DDR2: variants seen among roughly 807,000 people sequenced by gnomAD.
The protein encoded by DDR2 is discoidin domain receptor tyrosine kinase 2.
Under a neutral mutation model 94.9 loss-of-function variants are expected in DDR2, and 27 were observed. That is an observed-to-expected ratio of 0.28 (90% confidence interval 0.21 to 0.39). The LOEUF (loss-of-function observed/expected upper bound fraction) is 0.39. Among genes scored for constraint, DDR2 ranks in the 10% least tolerant of loss-of-function variants. The probability of loss-of-function intolerance (pLI) is 1.00; values close to 1 mark genes in which losing one functional copy is unlikely to be tolerated. For synonymous variants in DDR2, 382 were observed against 377.2 expected (o/e 1.01, Z -0.15); for missense variants, 783 against 1,076.0 (o/e 0.73, Z 3.81).
At chr1:162,674,924 C>T (rs61811289) in intron 2 of DDR2, among the ~76,000 whole-genome samples, 9,580 of 152,020 alleles carry the variant, frequency 0.063, 361 homozygotes, top group Admixed American at 0.083. Context: ...GGGGCTGAGG[C>T]GGGTGGATCA....
chr1:162,713,105 G>A (rs1162431302), intron 2 of DDR2, among the ~76,000 whole-genome samples: 1 of 152,162 alleles, frequency 6.6e-6, no homozygotes, highest in Non-Finnish European at 1.5e-5. Context: ...GCTCAATGAT[G>A]TAATGCATCT....
intron 2 of DDR2, among the ~76,000 whole-genome samples, chr1:162,677,050 C>T (rs1659163855): frequency 6.6e-6 from 1 of 152,090 alleles, no homozygotes; most frequent in Admixed American, 6.5e-5. Context: ...GAGGGTGAAC[C>T]AAAAACAATA....
intron 2 of DDR2, among the ~76,000 whole-genome samples, chr1:162,670,006 T>C (rs1658755418): frequency 6.6e-6 from 1 of 151,770 alleles, no homozygotes. Flanking sequence ...TAATAACACG[T>C]TTTTAAAATT....
At chr1:162,713,450 T>G (rs553440999) in intron 2 of DDR2, among the ~76,000 whole-genome samples, 3 of 152,326 alleles carry the variant, frequency 2.0e-5, no homozygotes, top group Non-Finnish European at 4.4e-5. Flanking sequence ...TGATCACCAT[T>G]CACAATCTCC....
chr1:162,754,898 ATT>A (rs1434216907), intron 5 of DDR2, 43 bp downstream of exon 5: 3 of 1,609,142 alleles, frequency 1.9e-6, no homozygotes, highest in Non-Finnish European at 2.6e-6. Context: ...CCAAGACCAT[ATT>A]TTGACTTAGG....
At chr1:162,733,381 C>T (rs933546287) in intron 3 of DDR2, among the ~76,000 whole-genome samples, 5 of 152,166 alleles carry the variant, frequency 3.3e-5, no homozygotes, top group African/African-American at 7.2e-5. Context: ...AGAAGTGCCA[C>T]GTTGGTTGCC....
intron 9 of DDR2, 140 bp from the exon 10 acceptor site, chr1:162,765,861 T>C (rs1020178741): frequency 1.5e-5 from 12 of 783,232 alleles, no homozygotes; most frequent in Non-Finnish European, 2.6e-5. Context: ...ATTCAACGTA[T>C]TTATGATTTT....
chr1:162,663,099 C>T (rs565211787), intron 2 of DDR2, among the ~76,000 whole-genome samples: 2 of 152,162 alleles, frequency 1.3e-5, no homozygotes, highest in Non-Finnish European at 1.5e-5. Context: ...TTTCAATGGG[C>T]ATTGCAAGGC....
chr1:162,749,152 G>A (rs1370976911), intron 3 of DDR2, among the ~76,000 whole-genome samples: 2 of 152,026 alleles, frequency 1.3e-5, no homozygotes, highest in African/African-American at 4.8e-5. Flanking sequence ...AAATAACTAA[G>A]ATCAGAGCAG....
chr1:162,663,228 G>C (rs967920879), intron 2 of DDR2, among the ~76,000 whole-genome samples: 1 of 152,118 alleles, frequency 6.6e-6, no homozygotes, highest in Non-Finnish European at 1.5e-5. Flanking sequence ...AGAGTGAGTT[G>C]AATTTGAAAA....
At chr1:162,725,510 C>T (rs908897683) in intron 3 of DDR2, among the ~76,000 whole-genome samples, 2 of 152,208 alleles carry the variant, frequency 1.3e-5, no homozygotes, top group Non-Finnish European at 2.9e-5. Flanking sequence ...CCCCAAGTAG[C>T]TGGGACTACA....
intron 2 of DDR2, among the ~76,000 whole-genome samples, chr1:162,704,492 T>C (rs186882002): frequency 1.1e-4 from 16 of 152,284 alleles, no homozygotes; most frequent in Admixed American, 6.5e-4. Flanking sequence ...AAAAAGATAG[T>C]CCAGTTACCT....
At chr1:162,642,241 G>T (rs1657171894) in intron 1 of DDR2, among the ~76,000 whole-genome samples, 1 of 152,068 alleles carries the variant, frequency 6.6e-6, no homozygotes, top group African/African-American at 2.4e-5. Context: ...ACAGGCGTAA[G>T]CCACCATGCC....
chr1:162,780,048 C>G (rs908296945), intron 17 of DDR2, 64 bp from the exon 18 acceptor site: 1 of 1,607,440 alleles, frequency 6.2e-7, no homozygotes, highest in South Asian at 1.1e-5. Context: ...ACTTCCCTTT[C>G]CCCCGTCTTT....
rs1164976647 is a variant in DDR2 at position 162,642,107 on chromosome 1, A to AC, written c.-192+9477dup. ...GAAGTAGCTGGGATTACAGGCACCC[A>AC]CACCACGCCCAGCTAATTTTTGTAT... On this transcript the variant is annotated intron_variant, in intron 1 of 17. Transcript: ENST00000367921. Among the ~76,000 whole-genome samples the AC allele has an allele frequency of 1.2e-3, 185 of 150,522 alleles. 3 individuals are homozygous for AC. The highest frequency in any genetic ancestry group is 4.2e-3 in the African/African-American group (172 of 40,906).
intron 10 of DDR2, 79 bp from the exon 11 acceptor site, chr1:162,767,150 A>G (rs1664036823): frequency 2.5e-6 from 4 of 1,598,766 alleles, no homozygotes; most frequent in Non-Finnish European, 3.4e-6. Context: ...GTCTACCTCC[A>G]TGTTTCCAGT....
intron 3 of DDR2, among the ~76,000 whole-genome samples, chr1:162,747,634 C>G (rs1010317002): frequency 2.0e-5 from 3 of 152,124 alleles, no homozygotes; most frequent in Non-Finnish European, 4.4e-5. Flanking sequence ...CATTCAAATT[C>G]AAGAAATACA....
rs118117030 is a variant in DDR2 at position 162,651,655 on chromosome 1, C to T, written c.-191-3556C>T. ...TATAGTACATATTACATACTAGGAA[C>T]TCAGAAACGTGGTTGAACAAATTAC... On this transcript the variant is annotated intron_variant, in intron 1 of 17. Transcript: ENST00000367921. 1.9e-3 allele frequency among the ~76,000 whole-genome samples: 283 copies of T among 152,230 alleles called. 4 individuals are homozygous for T. In the East Asian group the frequency reaches 0.042, roughly 23 times the overall value.
chr1:162,658,793 C>T (rs1256406435), intron 2 of DDR2, among the ~76,000 whole-genome samples: 1 of 130,384 alleles, frequency 7.7e-6, no homozygotes, highest in Non-Finnish European at 1.7e-5. Context: ...CATCATTGCA[C>T]TCCAGCCTGG....
Sources: allele counts gnomAD v4.1 joint callset (sites outside exome capture counted in the v4.1 genomes callset), GRCh38; gene constraint gnomAD v4.1.1; transcripts MANE v1.5; gene names NCBI Gene and HGNC (gene_info 2026-07-23, HGNC 2026-07-21).